The following FRMD4A variants were observed in gnomAD, a reference collection of about 807,000 sequenced individuals.
FRMD4A encodes FERM domain-containing protein 4A.
Under a neutral mutation model 129.1 loss-of-function variants are expected in FRMD4A, and 29 were observed. The ratio of observed to expected loss-of-function variants is 0.22; its 90% CI spans 0.17 to 0.31. The LOEUF (loss-of-function observed/expected upper bound fraction) is 0.31, where lower values mean the gene tolerates loss of function less well. Ranked by LOEUF, FRMD4A falls within the 10% of genes least tolerant of loss-of-function variation. The pLI is 1.00. For missense variants in FRMD4A, 1,272 were observed against 1,375.8 expected (o/e 0.92, Z 1.19); for synonymous variants, 634 against 571.6 (o/e 1.11, Z -1.56).
At chr10:14,126,451 G>C (rs1025818774) in intron 2 of FRMD4A, among the ~76,000 whole-genome samples, 11 of 151,854 alleles carry the variant, frequency 7.2e-5, no homozygotes, top group Admixed American at 2.6e-4. Context: ...TTACAGGCGT[G>C]AGCCACCGTG....
intron 5 of FRMD4A, among the ~76,000 whole-genome samples, chr10:13,791,296 G>C (rs2092994014): frequency 6.6e-6 from 1 of 152,188 alleles, no homozygotes; most frequent in South Asian, 2.1e-4. Flanking sequence ...GAACTGGCTA[G>C]AGATATGATG....
At chr10:13,923,747 T>G (rs923757392) in intron 2 of FRMD4A, among the ~76,000 whole-genome samples, 1 of 152,174 alleles carries the variant, frequency 6.6e-6, no homozygotes, top group Non-Finnish European at 1.5e-5. Context: ...CTTTAAGATA[T>G]TTCATCTTAT....
chr10:14,013,764 T>C lies in FRMD4A; in HGVS notation c.46-154852A>G, dbSNP rs550572356. On this transcript the variant is annotated intron_variant, in intron 2 of 24. Transcript: ENST00000357447. ...CTGACCAACATGGAGAAACCCCGTC[T>C]CTACCAAAAATACAAAATTAGCCAG... Among the ~76,000 whole-genome samples, 15 of 152,222 alleles carry C rather than the reference T, an allele frequency of 9.9e-5. No individual in the cohort carries two copies. The East Asian group carries it at 2.1e-3, about 22-fold the overall frequency.
intron 2 of FRMD4A, among the ~76,000 whole-genome samples, chr10:14,101,743 ACACAACAC>A (rs1040201370): frequency 1.0e-4 from 15 of 148,214 alleles, no homozygotes; most frequent in Non-Finnish European, 1.8e-4. Context: ...ACACAACACA[ACACAACAC>A]AACACAACAC....
intron 2 of FRMD4A, among the ~76,000 whole-genome samples, chr10:14,080,735 G>C (rs1327221830): frequency 6.6e-6 from 1 of 151,962 alleles, no homozygotes; most frequent in Admixed American, 6.6e-5. Flanking sequence ...GTCAGCAAAA[G>C]GATGCATTGA....
chr10:13,781,090 C>A (rs192604791), intron 6 of FRMD4A, among the ~76,000 whole-genome samples: 13 of 152,108 alleles, frequency 8.5e-5, no homozygotes, highest in Admixed American at 2.0e-4. Context: ...ATCACCTGAG[C>A]CCAGGAGTTT....
chr10:13,643,920 A>G lies in FRMD4A; in HGVS notation c.*3118T>C, dbSNP rs1758973634. 1 of 152,636 alleles carries G rather than the reference A, an allele frequency of 6.6e-6. No individual in the cohort carries two copies. 9.5% of individuals were successfully genotyped at this position (152,636 alleles called of 1,614,324 possible). On this transcript the variant is annotated 3_prime_UTR_variant, in exon 25 of 25. Transcript: ENST00000357447. ...TACATGCTCTACAGTCAGTTTCAGGAGCAACCTAATCTTTTTTCCCCCATT... is the reference window on the plus strand; with the variant it reads ...TACATGCTCTACAGTCAGTTTCAGGGGCAACCTAATCTTTTTTCCCCCATT...
intron 2 of FRMD4A, among the ~76,000 whole-genome samples, chr10:13,882,489 A>T (rs901434253): frequency 6.6e-6 from 1 of 152,178 alleles, no homozygotes; most frequent in African/African-American, 2.4e-5. Context: ...ACAAAGGGAA[A>T]CAGCAAAGCA....
At chr10:13,799,670 C>T (rs2093209566) in intron 4 of FRMD4A, among the ~76,000 whole-genome samples, 1 of 152,166 alleles carries the variant, frequency 6.6e-6, no homozygotes, top group Non-Finnish European at 1.5e-5. Flanking sequence ...CTGGCCTTCA[C>T]TCATGCTGCC....
intron 2 of FRMD4A, among the ~76,000 whole-genome samples, chr10:13,878,083 G>T (rs1018615213): frequency 3.3e-5 from 5 of 152,038 alleles, no homozygotes; most frequent in Admixed American, 1.3e-4. Context: ...ATATATCCAG[G>T]GTGCATATCA....
At chr10:14,088,836 G>A (rs1032764049) in intron 2 of FRMD4A, among the ~76,000 whole-genome samples, 1 of 150,630 alleles carries the variant, frequency 6.6e-6, no homozygotes, top group African/African-American at 2.5e-5. Flanking sequence ...CAAATCCTGG[G>A]TTCACACTGT....
intron 2 of FRMD4A, among the ~76,000 whole-genome samples, chr10:14,078,272 C>A (rs536587204): frequency 3.9e-5 from 6 of 152,314 alleles, no homozygotes; most frequent in African/African-American, 1.4e-4. Context: ...GGAGAAGAAC[C>A]TGGAGGGTCA....
intron 2 of FRMD4A, among the ~76,000 whole-genome samples, chr10:14,167,630 T>C (rs1841257619): frequency 1.4e-5 from 2 of 140,970 alleles, no homozygotes; most frequent in Admixed American, 7.1e-5. Context: ...AGGCAATGGA[T>C]AAATACGTGG....
chr10:14,015,044 CT>C (rs1485432396), intron 2 of FRMD4A, among the ~76,000 whole-genome samples: 1 of 141,110 alleles, frequency 7.1e-6, no homozygotes, highest in Non-Finnish European at 1.5e-5. Context: ...CCCTCCCTTC[CT>C]TTCTTCCTTC....
intron 2 of FRMD4A, among the ~76,000 whole-genome samples, chr10:14,274,383 C>A (rs1845267210): frequency 6.6e-6 from 1 of 152,176 alleles, no homozygotes; most frequent in East Asian, 1.9e-4. Context: ...GTGAGGTAAC[C>A]CACCTCAGGT....
At chr10:13,988,399 C>T (rs1050047286) in intron 2 of FRMD4A, among the ~76,000 whole-genome samples, 1 of 152,176 alleles carries the variant, frequency 6.6e-6, no homozygotes, top group African/African-American at 2.4e-5. Flanking sequence ...GAAAGGAATG[C>T]TTTCAGACAG....
At chr10:14,218,592 G>A (rs572342293) in intron 2 of FRMD4A, among the ~76,000 whole-genome samples, 72 of 152,098 alleles carry the variant, frequency 4.7e-4, no homozygotes, top group Non-Finnish European at 9.0e-4. Flanking sequence ...GGTGTCTCAC[G>A]CCTGTAATCC....
At chr10:14,329,160 A>G (rs1039182067) in intron 2 of FRMD4A, among the ~76,000 whole-genome samples, 1 of 152,308 alleles carries the variant, frequency 6.6e-6, no homozygotes, top group African/African-American at 2.4e-5. Flanking sequence ...CGAAGACACA[A>G]ATCAATATAC....
chr10:13,653,050 A>G (rs1302826997), intron 23 of FRMD4A: 1 of 151,448 alleles, frequency 6.6e-6, no homozygotes, highest in Non-Finnish European at 1.5e-5. Context: ...ATGAAACGAA[A>G]ACATCTGGGT....
Sources: allele counts gnomAD v4.1 joint callset (sites outside exome capture counted in the v4.1 genomes callset), GRCh38; gene constraint gnomAD v4.1.1; transcripts MANE v1.5; gene names NCBI Gene and HGNC (gene_info 2026-07-23, HGNC 2026-07-21).